Variants in WWOX observed in about 807,000 individuals in gnomAD.
The protein encoded by WWOX is WW domain-containing oxidoreductase.
A neutral mutation model predicts 46.2 loss-of-function variants in WWOX; 69 were observed. The ratio of observed to expected loss-of-function variants is 1.49; its 90% confidence interval spans 1.23 to 1.82. WWOX has a LOEUF of 1.82. Among genes scored for constraint, WWOX ranks in the 40% most tolerant of loss-of-function variants. The pLI, the probability that WWOX is intolerant of heterozygous loss-of-function variation, is 0.00. For missense variants in WWOX, 919 were observed against 542.6 expected (o/e 1.69, Z -6.89); for synonymous variants, 359 against 202.6 (o/e 1.77, Z -6.56).
chr16:78,884,706 T>A (rs899599157), intron 8 of WWOX, among the ~76,000 whole-genome samples: 4 of 152,200 alleles, frequency 2.6e-5, no homozygotes, highest in African/African-American at 9.6e-5. Context: ...TCCGTCATGT[T>A]GCTAATGTTC....
At chr16:78,739,261 TG>T (rs1228433347) in intron 8 of WWOX, among the ~76,000 whole-genome samples, 1 of 152,136 alleles carries the variant, frequency 6.6e-6, no homozygotes, top group Non-Finnish European at 1.5e-5. Context: ...TTGTGGTTCA[TG>T]GAAGGGTGCT....
At chr16:78,625,005 C>G (rs148386330) in intron 8 of WWOX, among the ~76,000 whole-genome samples, 2 of 152,288 alleles carry the variant, frequency 1.3e-5, no homozygotes, top group South Asian at 2.1e-4. Flanking sequence ...TGAGTTCTGC[C>G]TCCATCACTG....
chr16:79,064,455 A>T (rs548315191), intron 8 of WWOX, among the ~76,000 whole-genome samples: 2 of 152,238 alleles, frequency 1.3e-5, no homozygotes, highest in Non-Finnish European at 2.9e-5. Flanking sequence ...CAGCACCTGC[A>T]GAACCCATGC....
At chr16:79,083,735 T>C (rs2048804441) in intron 8 of WWOX, among the ~76,000 whole-genome samples, 1 of 152,080 alleles carries the variant, frequency 6.6e-6, no homozygotes, top group South Asian at 2.1e-4. Context: ...TGCTTCAAAG[T>C]TTTCACTAAG....
chr16:79,133,053 A>G lies in WWOX; in HGVS notation c.1057-78555A>G, dbSNP rs546126196. Among the ~76,000 whole-genome samples the G allele has an allele frequency of 3.7e-4, 57 of 152,320 alleles. 1 individual carries two copies. Among genetic ancestry groups the G allele is most frequent in the African/African-American group, 1.3e-3 (54 of 41,566 alleles). On this transcript the variant is annotated intron_variant, in intron 8 of 8. Coordinates refer to ENST00000566780, the MANE Select transcript of WWOX (RefSeq NM_016373.4). ...TCTGGCTTTGCATGAAGCTTTTGAA[A>G]AGAAAACACATACATGCAAGTGACC...
In WWOX at chr16:78,619,140, AAAATATATATATATATATATAT is replaced by A. The variant is rs2046107207; in HGVS notation, c.1056+186390_1056+186411del. On this transcript the variant is annotated intron_variant, in intron 8 of 8. Transcript: ENST00000566780. ...GCAAAACCCCATTTCTACTAAAAAA[AAAATATATATATATATATATAT>A]ATATATATATATATATATATATATA... is the stretch of plus-strand genomic sequence containing the variant. Among the ~76,000 whole-genome samples, 3 of 11,772 alleles carry A rather than the reference AAAATATATATATATATATATAT, an allele frequency of 2.5e-4. 1 individual carries two copies. The highest frequency in any genetic ancestry group is 3.6e-4 in the Non-Finnish European group (2 of 5,590). 7.7% of individuals were successfully genotyped at this position (11,772 alleles called of 152,430 possible). A position where few individuals can be genotyped will look rare whatever the true frequency, so the allele number is the denominator to read the frequency against.
At chr16:78,773,227 T>G (rs1298108741) in intron 8 of WWOX, among the ~76,000 whole-genome samples, 1 of 152,192 alleles carries the variant, frequency 6.6e-6, no homozygotes, top group East Asian at 1.9e-4. Flanking sequence ...GTTCTATTAA[T>G]AAGTAGAGCC....
intron 8 of WWOX, among the ~76,000 whole-genome samples, chr16:78,990,606 T>C (rs1208321619): frequency 6.6e-6 from 1 of 151,566 alleles, no homozygotes; most frequent in African/African-American, 2.4e-5. Context: ...AGTTGTAAGA[T>C]GGTAGAGCGA....
chr16:78,911,702 C>T lies in WWOX; in HGVS notation c.1057-299906C>T, dbSNP rs982732124. Among the ~76,000 whole-genome samples, 12 of 151,914 alleles carry T rather than the reference C, an allele frequency of 7.9e-5. 1 individual carries two copies. The highest frequency in any genetic ancestry group is 2.4e-5 in the African/African-American group (1 of 41,396). On this transcript the variant is annotated intron_variant, in intron 8 of 8. Coordinates refer to ENST00000566780, the MANE Select transcript of WWOX (RefSeq NM_016373.4). The stretch of plus-strand genomic sequence containing the variant: ...CCAACATGGTTAAACCCCATCTCTA[C>T]TAAAAGTACAAAAATTAGCCAGACG...
chr16:78,989,017 A>AG (rs2046834026), intron 8 of WWOX, among the ~76,000 whole-genome samples: 1 of 152,200 alleles, frequency 6.6e-6, no homozygotes, highest in Non-Finnish European at 1.5e-5. Flanking sequence ...TAAAACAAGG[A>AG]GGAAGTAATC....
chr16:78,186,210 T>A (rs1220631356), intron 5 of WWOX, among the ~76,000 whole-genome samples: 1 of 152,108 alleles, frequency 6.6e-6, no homozygotes, highest in East Asian at 1.9e-4. Flanking sequence ...TAAAATATCA[T>A]TGAAGTTCAT....
chr16:79,050,525 C>G (rs2048146640), intron 8 of WWOX, among the ~76,000 whole-genome samples: 1 of 152,192 alleles, frequency 6.6e-6, no homozygotes, highest in African/African-American at 2.4e-5. Context: ...CATGGCTGAG[C>G]TCACGGTTAG....
intron 8 of WWOX, among the ~76,000 whole-genome samples, chr16:78,654,886 G>A (rs1318834531): frequency 1.3e-5 from 2 of 151,762 alleles, no homozygotes; most frequent in Middle Eastern, 3.4e-3. Context: ...CTTGGTGGGG[G>A]GGATGCATAT....
At chr16:78,531,702 T>G (rs181547543) in intron 8 of WWOX, among the ~76,000 whole-genome samples, 40 of 151,998 alleles carry the variant, frequency 2.6e-4, no homozygotes, top group Admixed American at 2.6e-4. Context: ...AATTTTTTTG[T>G]ATTTTGGGAT....
At chr16:78,276,653 G>T (rs1405907765) in intron 5 of WWOX, among the ~76,000 whole-genome samples, 1 of 152,204 alleles carries the variant, frequency 6.6e-6, no homozygotes, top group South Asian at 2.1e-4. Flanking sequence ...AGAAAGTCCA[G>T]TGTTTGTAGC....
chr16:78,109,791 A>T lies in WWOX; in HGVS notation c.186A>T (p.Gly62=). ...RKRVAGDLPY[G]WEQETDENGQ... is the part of the protein sequence containing the mutation. ...CTTGTGTTTCAGATTTGCCATACGG[A>T]TGGGAACAAGAAACTGATGAGAACG... Residue 62 remains glycine, a synonymous_variant, in exon 3 of 9, where the codon GGA becomes GGT. Transcript: ENST00000566780. 3 of 1,614,062 alleles carry T rather than the reference A, an allele frequency of 1.9e-6. No homozygotes were observed. Among genetic ancestry groups the T allele is most frequent in the Middle Eastern group, 3.3e-4 (2 of 6,062 alleles).
chr16:79,078,931 C>A (rs1227698862), intron 8 of WWOX, among the ~76,000 whole-genome samples: 2 of 152,182 alleles, frequency 1.3e-5, no homozygotes, highest in African/African-American at 4.8e-5. Context: ...CCTCTCCCAA[C>A]CAGAGATCAA....
chr16:78,149,584 G>C (rs2034326650), intron 4 of WWOX, among the ~76,000 whole-genome samples: 1 of 152,202 alleles, frequency 6.6e-6, no homozygotes, highest in African/African-American at 2.4e-5. Flanking sequence ...ACACCGAAGG[G>C]AGCACTGGTA....
chr16:78,105,529 A>G (rs1364595008), intron 1 of WWOX, among the ~76,000 whole-genome samples: 3 of 151,932 alleles, frequency 2.0e-5, no homozygotes. Context: ...TGATTCAGGC[A>G]TGTTCTGTGA....
Sources: allele counts gnomAD v4.1 joint callset (sites outside exome capture counted in the v4.1 genomes callset), GRCh38; gene constraint gnomAD v4.1.1; transcripts MANE v1.5; gene names NCBI Gene and HGNC (gene_info 2026-07-23, HGNC 2026-07-21).